The following CSMD3 variants were observed in gnomAD, a reference collection of about 807,000 sequenced individuals.
CSMD3 encodes the protein CUB and Sushi multiple domains 3, also known as CUB and sushi domain-containing protein 3.
CSMD3 carries 177 observed loss-of-function variants against 435.2 expected under a neutral mutation model. The observed-to-expected ratio is 0.41, with a 90% CI of 0.36 to 0.46. CSMD3 has a LOEUF of 0.46. Ranked by LOEUF, CSMD3 falls within the 20% of genes least tolerant of loss-of-function variation. The pLI, the probability that CSMD3 is intolerant of heterozygous loss-of-function variation, is 0.34. For missense variants in CSMD3, 4,265 were observed against 4,504.6 expected (o/e 0.95, Z 1.52); for synonymous variants, 1,656 against 1,520.5 (o/e 1.09, Z -2.07).
At chr8:112,376,382 T>C (rs1828942760) in intron 38 of CSMD3, among the ~76,000 whole-genome samples, 1 of 152,176 alleles carries the variant, frequency 6.6e-6, no homozygotes, top group Non-Finnish European at 1.5e-5. Flanking sequence ...GTATTTGCAT[T>C]ACAGTAATAC....
intron 6 of CSMD3, among the ~76,000 whole-genome samples, chr8:113,014,889 AC>A (rs1361264650): frequency 6.6e-6 from 1 of 152,194 alleles, no homozygotes; most frequent in African/African-American, 2.4e-5. Context: ...AAGTCTTAAT[AC>A]CTTTTAATTT....
At chr8:112,948,708 CT>C (rs201210093) in intron 8 of CSMD3, among the ~76,000 whole-genome samples, 13 of 150,210 alleles carry the variant, frequency 8.7e-5, no homozygotes, top group Non-Finnish European at 1.2e-4. Flanking sequence ...AATTTACCTG[CT>C]TTTTTTTTAG....
At chr8:113,109,655 G>C (rs932417427) in intron 4 of CSMD3, among the ~76,000 whole-genome samples, 1 of 152,178 alleles carries the variant, frequency 6.6e-6, no homozygotes, top group African/African-American at 2.4e-5. Context: ...TGACAGTTCT[G>C]TGTTGTGGCC....
At chr8:113,004,026 G>A (rs1382293179) in intron 6 of CSMD3, among the ~76,000 whole-genome samples, 1 of 152,008 alleles carries the variant, frequency 6.6e-6, no homozygotes, top group Non-Finnish European at 1.5e-5. Flanking sequence ...AATTTATTTA[G>A]AAAGGAATGC....
intron 32 of CSMD3, among the ~76,000 whole-genome samples, chr8:112,426,083 T>C (rs1813042242): frequency 6.6e-6 from 1 of 152,074 alleles, no homozygotes; most frequent in Admixed American, 6.6e-5. Flanking sequence ...CACAAATACA[T>C]AGTAAAATGG....
intron 1 of CSMD3, among the ~76,000 whole-genome samples, chr8:113,425,500 G>A (rs377587510): frequency 5.3e-5 from 8 of 151,156 alleles, no homozygotes; most frequent in African/African-American, 1.7e-4. Context: ...ATTGAAAAAT[G>A]GCTAATTTCT....
chr8:112,942,512 C>G (rs1438208596), intron 9 of CSMD3, among the ~76,000 whole-genome samples: 1 of 151,774 alleles, frequency 6.6e-6, no homozygotes, highest in African/African-American at 2.4e-5. Context: ...TACATATATA[C>G]TGCGAAATAC....
chr8:112,541,851 T>C (rs1826696091), intron 27 of CSMD3, among the ~76,000 whole-genome samples: 1 of 151,932 alleles, frequency 6.6e-6, no homozygotes, highest in Non-Finnish European at 1.5e-5. Context: ...TAGAGATCAA[T>C]ATTTCTGATG....
intron 7 of CSMD3, among the ~76,000 whole-genome samples, chr8:112,970,748 G>T (rs1217491982): frequency 2.0e-5 from 3 of 148,236 alleles, no homozygotes; most frequent in African/African-American, 7.5e-5. Context: ...TTTATATGGA[G>T]CCTCTCTCTG....
chr8:112,945,585 AAT>A (rs1310536473), intron 9 of CSMD3, among the ~76,000 whole-genome samples: 9 of 101,668 alleles, frequency 8.9e-5, no homozygotes, highest in African/African-American at 1.9e-4. Context: ...AGAATACAGA[AAT>A]ATGTGTGTGT....
At chr8:112,337,317 A>C (rs892692740) in intron 43 of CSMD3, among the ~76,000 whole-genome samples, 10 of 152,158 alleles carry the variant, frequency 6.6e-5, no homozygotes, top group African/African-American at 2.2e-4. Context: ...AAAGCTCTAA[A>C]GTGTGAATCA....
intron 27 of CSMD3, among the ~76,000 whole-genome samples, chr8:112,529,100 G>C (rs1586608109): frequency 6.6e-6 from 1 of 152,064 alleles, no homozygotes; most frequent in Non-Finnish European, 1.5e-5. Flanking sequence ...AACAAAATCA[G>C]CTCTCAGCTT....
chr8:113,299,753 G>C (rs189905198), intron 2 of CSMD3, among the ~76,000 whole-genome samples: 1 of 152,152 alleles, frequency 6.6e-6, no homozygotes, highest in Non-Finnish European at 1.5e-5. Context: ...CTAGAACTTT[G>C]TGAAGCTGAG....
At chr8:112,448,578 C>A (rs71528420) in intron 32 of CSMD3, among the ~76,000 whole-genome samples, 1 of 152,134 alleles carries the variant, frequency 6.6e-6, no homozygotes, top group South Asian at 2.1e-4. Context: ...GAAACAGATT[C>A]TTCTCTACAG....
intron 13 of CSMD3, among the ~76,000 whole-genome samples, chr8:112,795,850 G>A (rs967884768): frequency 9.9e-5 from 15 of 151,846 alleles, no homozygotes; most frequent in African/African-American, 3.6e-4. Flanking sequence ...AAATACTGTG[G>A]CCAAATACCA....
chr8:113,023,418 C>T (rs1431266258), intron 5 of CSMD3, among the ~76,000 whole-genome samples: 1 of 152,058 alleles, frequency 6.6e-6, no homozygotes, highest in African/African-American at 2.4e-5. Flanking sequence ...CTCCCTCTCT[C>T]AAGCATGCTC....
chr8:112,294,095 G>GT lies in CSMD3; in HGVS notation c.8615-1386_8615-1385insA, dbSNP rs1808151736. On this transcript the variant is annotated intron_variant, in intron 54 of 70. Transcript: ENST00000297405. ...TCAGACAATCAATTTGCTTGGGGGGGGTGTAGGGGTGGAAAGTGATTTTCA... is the reference window on the plus strand; with the variant it reads ...TCAGACAATCAATTTGCTTGGGGGGGTGTGTAGGGGTGGAAAGTGATTTTCA... Among the ~76,000 whole-genome samples, 15 of 151,938 alleles carry GT rather than the reference G, an allele frequency of 9.9e-5. 1 individual carries two copies. The South Asian group carries it at 3.1e-3, about 32-fold the overall frequency.
chr8:112,318,863 A>G lies in CSMD3; in HGVS notation c.7334T>C (p.Met2445Thr), dbSNP rs142090041. The G allele has an allele frequency of 8.4e-5, 135 of 1,612,184 alleles. No homozygotes were observed. Among genetic ancestry groups the G allele is most frequent in the Non-Finnish European group, 1.2e-5 (14 of 1,179,098 alleles). The change falls in exon 47 of 71, where the codon ATG (methionine) becomes ACG (threonine). Residue 2445 changes from methionine to threonine, a missense_variant. Physicochemically the swap from Met to Thr is moderately conservative, Grantham distance 81. Around this residue, in one of 3 missense-constraint regions of CSMD3, gnomAD observed 3,255 missense variants for 3,380.2 expected, o/e 0.96. Coordinates refer to ENST00000297405, the MANE Select transcript of CSMD3 (RefSeq NM_198123.2). ...TTGACAAACTGGAGGTGCTCCATCCATCTGCAGTCGTTCTCCTAATCTGCA... is the reference window on the plus strand; with the variant it reads ...TTGACAAACTGGAGGTGCTCCATCCGTCTGCAGTCGTTCTCCTAATCTGCA... ...LTCRLGERLQ[M>T]DGAPPVCQVL...
At position 112,263,649 on chromosome 8, in the gene CSMD3, C is replaced by A. The variant is rs16883323; in HGVS notation, c.9852G>T (p.Pro3284=). The change falls in exon 61 of 71, where the codon CCG becomes CCT. Residue 3284 remains proline, a synonymous_variant. Coordinates refer to ENST00000297405, the MANE Select transcript of CSMD3 (RefSeq NM_198123.2). ...AGAAATCATACTTACGTAAGCACTG[C>A]GGTACTTCACCACTCCAGGTACCAT... is the stretch of plus-strand genomic sequence containing the variant. ...VGNGTWSGEV[P]QCLPKFCGDP... is the part of the protein sequence containing the mutation. 2 of 1,612,898 alleles carry A rather than the reference C, an allele frequency of 1.2e-6. No individual in the cohort carries two copies. Among genetic ancestry groups the A allele is most frequent in the South Asian group, 1.1e-5 (1 of 91,034 alleles).
Sources: allele counts gnomAD v4.1 joint callset (sites outside exome capture counted in the v4.1 genomes callset), GRCh38; gene constraint gnomAD v4.1.1; regional missense constraint gnomAD v4.1.1; transcripts MANE v1.5; gene names NCBI Gene and HGNC (gene_info 2026-07-23, HGNC 2026-07-21).